Variants in DCDC2 observed in about 807,000 individuals in gnomAD.
DCDC2 encodes the protein doublecortin domain containing 2, also known as doublecortin domain-containing protein 2.
In DCDC2, 40 loss-of-function variants were observed where a neutral mutation model predicts 50.2. The observed-to-expected ratio is 0.80, with a 90% CI of 0.62 to 1.04. The LOEUF (loss-of-function observed/expected upper bound fraction) is 1.04, where lower values mean the gene tolerates loss of function less well. Ranked by LOEUF, DCDC2 falls within the 50% of genes least tolerant of loss-of-function variation. The probability of loss-of-function intolerance (pLI) is 0.00; values close to 1 mark genes in which losing one functional copy is unlikely to be tolerated. For synonymous variants in DCDC2, 234 were observed against 210.6 expected (o/e 1.11, Z -0.96); for missense variants, 570 against 581.9 (o/e 0.98, Z 0.21).
intron 4 of DCDC2, among the ~76,000 whole-genome samples, chr6:24,299,272 T>C (rs373654101): frequency 4.4e-4 from 67 of 152,238 alleles, no homozygotes; most frequent in African/African-American, 1.5e-3. Flanking sequence ...CACTAGTAAG[T>C]GGGAGCTTAA....
intron 6 of DCDC2, among the ~76,000 whole-genome samples, chr6:24,279,375 G>A (rs1268157163): frequency 2.6e-5 from 4 of 152,022 alleles, no homozygotes; most frequent in Non-Finnish European, 2.9e-5. Flanking sequence ...AGGAGTTTGA[G>A]GCCAGACTAA....
At chr6:24,332,411 G>T (rs994946405) in intron 2 of DCDC2, among the ~76,000 whole-genome samples, 1 of 152,180 alleles carries the variant, frequency 6.6e-6, no homozygotes, top group Non-Finnish European at 1.5e-5. Context: ...ACATGGAAAA[G>T]TCAGGTGAAG....
At chr6:24,344,850 C>T (rs566464433) in intron 2 of DCDC2, among the ~76,000 whole-genome samples, 2 of 152,294 alleles carry the variant, frequency 1.3e-5, no homozygotes, top group African/African-American at 4.8e-5. Flanking sequence ...ACCTTGGTCA[C>T]TGATGTGAAC....
Position 24,315,187 on chromosome 6 carries a change from T to TA in DCDC2, c.349-13144dup, listed in dbSNP as rs60634389. On this transcript the variant is annotated intron_variant, in intron 2 of 9. Transcript: ENST00000378454. ...TTGATCTTTGCTTTTTTTTTTTTTT[T>TA]AAATAACCAGCCCCATAAATAGTCC... Among the ~76,000 whole-genome samples, 15 of 151,308 alleles carry TA rather than the reference T, an allele frequency of 9.9e-5. No homozygotes were observed. The East Asian group carries it at 1.6e-3, about 16-fold the overall frequency.
chr6:24,374,352 A>T, the DCDC2 span, among the ~76,000 whole-genome samples: 1 of 151,922 alleles, frequency 6.6e-6, no homozygotes, highest in African/African-American at 2.4e-5. Flanking sequence ...TGGATCAATC[A>T]CTTGAGGTCA....
intron 7 of DCDC2, among the ~76,000 whole-genome samples, chr6:24,250,631 G>A (rs950639719): frequency 2.6e-5 from 4 of 152,086 alleles, no homozygotes; most frequent in African/African-American, 7.2e-5. Flanking sequence ...TATAAAATAT[G>A]TGAACAATTC....
At chr6:24,219,139 G>C (rs1762043941) in intron 7 of DCDC2, among the ~76,000 whole-genome samples, 1 of 152,074 alleles carries the variant, frequency 6.6e-6, no homozygotes, top group Non-Finnish European at 1.5e-5. Context: ...TATACTTCCA[G>C]ACACAAGAAA....
chr6:24,334,529 C>T (rs931602669), intron 2 of DCDC2, among the ~76,000 whole-genome samples: 4 of 152,170 alleles, frequency 2.6e-5, no homozygotes, highest in Non-Finnish European at 5.9e-5. Context: ...GCTACCACAG[C>T]AGAGTTGAGT....
chr6:24,345,049 G>A lies in DCDC2; in HGVS notation c.348+8520C>T, dbSNP rs79599838. On this transcript the variant is annotated intron_variant, in intron 2 of 9. Transcript: ENST00000378454. ...ACATAATCCGGAAAGTTTTCCTCAA[G>A]TTAACATAATCTGGAAAGTTTTCCT... Among the ~76,000 whole-genome samples, 1,485 of 152,286 alleles carry A rather than the reference G, an allele frequency of 9.8e-3. 14 individuals carry two copies. The highest frequency in any genetic ancestry group is 0.019 in the East Asian group (98 of 5,186).
At chr6:24,362,445 ATTATT>A (rs368141005), upstream of DCDC2, among the ~76,000 whole-genome samples, 10 of 133,182 alleles carry the variant, frequency 7.5e-5, no homozygotes, top group African/African-American at 1.5e-4. Context: ...TATTTATACA[ATTATT>A]TTTTATTTAA....
chr6:24,267,411 T>C (rs964902823), intron 7 of DCDC2, among the ~76,000 whole-genome samples: 2 of 152,232 alleles, frequency 1.3e-5, no homozygotes, highest in African/African-American at 4.8e-5. Context: ...ATATCTCATG[T>C]ATCCCATAAA....
At chr6:24,280,462 G>A (rs962384661) in intron 6 of DCDC2, among the ~76,000 whole-genome samples, 1 of 151,530 alleles carries the variant, frequency 6.6e-6, no homozygotes, top group South Asian at 2.1e-4. Context: ...GATTATAGCA[G>A]AAGTTCCAAA....
At chr6:24,218,087 C>CA (rs5874970) in intron 7 of DCDC2, among the ~76,000 whole-genome samples, 18 of 152,214 alleles carry the variant, frequency 1.2e-4, no homozygotes, top group African/African-American at 3.9e-4. Context: ...ACAAATATGC[C>CA]TATATCAGCA....
intron 7 of DCDC2, among the ~76,000 whole-genome samples, chr6:24,261,346 T>C (rs988166713): frequency 2.0e-5 from 3 of 152,124 alleles, no homozygotes; most frequent in Non-Finnish European, 4.4e-5. Flanking sequence ...CAAAGTTCTA[T>C]GGCAGCTTTG....
rs16889000 is a variant in DCDC2 at position 24,281,067 on chromosome 6, C to T, written c.760-2856G>A. On this transcript the variant is annotated intron_variant, in intron 6 of 9. Transcript: ENST00000378454. ...GACGCAGAAGCCCCACTCTGGAGTG[C>T]GTGTCTTTCTAAGTCACCACTCTTG... 9.4e-3 allele frequency among the ~76,000 whole-genome samples: 1,432 copies of T among 152,094 alleles called. 12 individuals are homozygous for T. The highest frequency in any genetic ancestry group is 0.018 in the African/African-American group (763 of 41,496).
chr6:24,328,753 T>C (rs1759917709), intron 2 of DCDC2, among the ~76,000 whole-genome samples: 1 of 152,198 alleles, frequency 6.6e-6, no homozygotes, highest in Non-Finnish European at 1.5e-5. Context: ...GCATGCCCCT[T>C]GAAATGCTTA....
chr6:24,268,720 C>T (rs992737440), intron 7 of DCDC2, among the ~76,000 whole-genome samples: 1 of 151,914 alleles, frequency 6.6e-6, no homozygotes, highest in Non-Finnish European at 1.5e-5. Context: ...TACAGGCATG[C>T]GACACTATGC....
chr6:24,362,944 C>A (rs952932396), upstream of DCDC2, among the ~76,000 whole-genome samples: 15 of 152,156 alleles, frequency 9.9e-5, no homozygotes, highest in African/African-American at 3.4e-4. Flanking sequence ...AAAGTCCGAA[C>A]ACTGAGCAAA....
chr6:24,246,145 A>C lies in DCDC2; in HGVS notation c.922+31904T>G, dbSNP rs142415199. 3.5e-3 allele frequency among the ~76,000 whole-genome samples: 528 copies of C among 152,276 alleles called. 1 individual carries two copies. Among genetic ancestry groups the C allele is most frequent in the Middle Eastern group, 0.014 (4 of 294 alleles). ...CCGGCCTGGAGGATACATTTAAGAAAATCACCAAAAGGCAACAGACAAAAG... is the reference window on the plus strand; with the variant it reads ...CCGGCCTGGAGGATACATTTAAGAACATCACCAAAAGGCAACAGACAAAAG... On this transcript the variant is annotated intron_variant, in intron 7 of 9. Transcript: ENST00000378454.
Sources: gnomAD v4.1 joint callset for allele counts (sites outside exome capture counted in the v4.1 genomes callset) on GRCh38, gnomAD v4.1.1 for gene constraint, MANE v1.5 for transcripts, NCBI Gene and HGNC (gene_info 2026-07-23, HGNC 2026-07-21) for gene names.